RBM15B: variants seen among roughly 807,000 people sequenced by gnomAD.
RBM15B encodes RNA binding motif protein 15B.
Under a neutral mutation model 53.3 loss-of-function variants are expected in RBM15B, and 11 were observed. The observed-to-expected ratio is 0.21, with a 90% CI of 0.13 to 0.34. RBM15B has a LOEUF of 0.34. Ranked by LOEUF, RBM15B falls within the 10% of genes least tolerant of loss-of-function variation. The pLI, the probability that RBM15B is intolerant of heterozygous loss-of-function variation, is 1.00. For missense variants in RBM15B, 1,136 were observed against 1,250.3 expected, an observed-to-expected ratio of 0.91 and a Z score of 1.38; for synonymous variants, 631 against 540.7, an observed-to-expected ratio of 1.17 and a Z score of -2.32.
rs1156630760 is a variant in RBM15B, at chr3:51,394,592, G to A, written c.*520G>A. 6.0e-6 allele frequency: 1 copy of A among 167,196 alleles called. No homozygotes were observed. Among genetic ancestry groups the A allele is most frequent in the Non-Finnish European group, 1.5e-5 (1 of 68,182 alleles). 10.4% of individuals were successfully genotyped at this position (167,196 alleles called of 1,614,324 possible). ...CTTGGCTGACAGCAGGCAAGCTTCAGTTTGGGCTGTGGACGCTGCCACACA... is the reference window on the plus strand; with the variant it reads ...CTTGGCTGACAGCAGGCAAGCTTCAATTTGGGCTGTGGACGCTGCCACACA... On this transcript the variant is annotated 3_prime_UTR_variant, in exon 1 of 1. Coordinates refer to ENST00000563281, the MANE Select transcript of RBM15B (RefSeq NM_013286.5).
Position 51,392,459 on chromosome 3 carries a change from C to T in RBM15B, c.1060C>T (p.Arg354Ter). 6.2e-7 allele frequency: 1 copy of T among 1,614,002 alleles called. No individual in the cohort carries two copies. Among genetic ancestry groups the T allele is most frequent in the Non-Finnish European group, 8.5e-7 (1 of 1,180,040 alleles). ...CCACAGCGTATCTGAGGTGGAGCTG[C>T]GAAGGGCCTTCGAGAAATATGGCAT... ...LDHSVSEVELRRAFEKYGIIE... is the reference protein window; with the variant it reads ...LDHSVSEVEL The change falls in exon 1 of 1, where the codon CGA becomes TGA. Residue 354 changes from arginine to a stop codon, truncating the protein, a stop_gained. Transcript: ENST00000563281. LOFTEE classifies it high-confidence loss of function. The surrounding 1 kb of genome is among the most constrained non-coding windows in gnomAD (Gnocchi z 7.5).
rs199560204 is a variant in RBM15B, at chr3:51,392,845, C to A, written c.1446C>A (p.Asp482Glu). The change falls in exon 1 of 1, where the codon GAC becomes GAA. Residue 482 changes from aspartate to glutamate, a missense_variant. Transcript: ENST00000563281. The surrounding 1 kb of genome is among the most constrained non-coding windows in gnomAD (Gnocchi z 7.5). The part of the protein sequence containing the change: ...KMRGFPLGGP[D>E]RRLRVDFAKA... ...GGGGTTTTCCCTTGGGTGGACCAGA[C>A]CGCAGGCTCCGCGTGGATTTTGCCA... The A allele has an allele frequency of 2.5e-4, 410 of 1,613,956 alleles. No individual in the cohort carries two copies. The highest frequency in any genetic ancestry group is 3.3e-4 in the Non-Finnish European group (389 of 1,180,042).
At position 51,394,134 on chromosome 3, in the gene RBM15B, T is replaced by G. The variant is rs1559456532; in HGVS notation, c.*62T>G. 1.5e-6 allele frequency: 2 copies of G among 1,373,010 alleles called. No homozygotes were observed. Among genetic ancestry groups the G allele is most frequent in the African/African-American group, 3.0e-5 (2 of 67,526 alleles). 85.1% of individuals were successfully genotyped at this position (1,373,010 alleles called of 1,614,324 possible). A position where few individuals can be genotyped will look rare whatever the true frequency, so the allele number is the denominator to read the frequency against. On this transcript the variant is annotated 3_prime_UTR_variant, in exon 1 of 1. Coordinates refer to ENST00000563281, the MANE Select transcript of RBM15B (RefSeq NM_013286.5). ...CAAAAGCAGTTATTTTAAAATCTGA[T>G]CCCCTCTCTACCCTACCACTTTGGT... is the stretch of plus-strand genomic sequence containing the variant.
At position 51,393,166 on chromosome 3, in the gene RBM15B, C is replaced by G; in HGVS notation, c.1767C>G (p.Pro589=). The G allele has an allele frequency of 2.5e-6, 4 of 1,613,986 alleles. No individual in the cohort carries two copies. Among genetic ancestry groups the G allele is most frequent in the Non-Finnish European group, 3.4e-6 (4 of 1,179,906 alleles). ...ATGGAGACCGTGGTTTGCCCAAGCC[C>G]TGGGAAGAGAGGCGGAAACGGAGAA... is the stretch of plus-strand genomic sequence containing the variant. ...GADGDRGLPK[P]WEERRKRRSL... is the part of the protein sequence containing the mutation. The change falls in exon 1 of 1, where the codon CCC becomes CCG. Residue 589 remains proline, a synonymous_variant. Coordinates refer to ENST00000563281, the MANE Select transcript of RBM15B (RefSeq NM_013286.5). The surrounding 1 kb of genome is among the most constrained non-coding windows in gnomAD (Gnocchi z 5.6).
In RBM15B at chr3:51,391,973, G is replaced by A. The variant is rs1553621622; in HGVS notation, c.574G>A (p.Asp192Asn). Residue 192 changes from aspartate to asparagine, a missense_variant, in exon 1 of 1, where the codon GAC (aspartate) becomes AAC (asparagine). Asp to Asn is a conservative substitution (Grantham distance 23). Around this residue, in one of 7 missense-constraint regions of RBM15B, gnomAD observed 12 missense variants for 35.8 expected, o/e 0.34. Transcript: ENST00000563281. This position sits in a 1 kb window ranked among gnomAD's most constrained non-coding sequence, Gnocchi z 4.5. ...CTACGTGAATTTCCGGCACCCACAG[G>A]ACGCACGCGAGGCCCGCCAGCACGC... ...VAYVNFRHPQ[D>N]AREARQHALA... 3 of 1,599,426 alleles carry A rather than the reference G, an allele frequency of 1.9e-6. No homozygotes were observed. Among genetic ancestry groups the A allele is most frequent in the Non-Finnish European group, 2.5e-6 (3 of 1,178,160 alleles).
Position 51,393,905 on chromosome 3 carries a change from G to T in RBM15B, c.2506G>T (p.Val836Leu). ...SYLKQKQAAG[V>L]ISLPVGGSKG... ...CTTGAAACAGAAGCAGGCCGCAGGGGTGATCAGCTTGCCAGTGGGGGGGTC... is the reference window on the plus strand; with the variant it reads ...CTTGAAACAGAAGCAGGCCGCAGGGTTGATCAGCTTGCCAGTGGGGGGGTC... The change falls in exon 1 of 1, where the codon GTG becomes TTG. Residue 836 changes from valine to leucine, a missense_variant. Physicochemically the swap from Val to Leu is conservative, Grantham distance 32. Transcript: ENST00000563281. This position sits in a 1 kb window ranked among gnomAD's most constrained non-coding sequence, Gnocchi z 5.6. The T allele has an allele frequency of 6.4e-7, 1 of 1,551,806 alleles. No individual in the cohort carries two copies. The highest frequency in any genetic ancestry group is 8.7e-7 in the Non-Finnish European group (1 of 1,149,908).
chr3:51,392,009 C>A lies in RBM15B; in HGVS notation c.610C>A (p.Gln204Lys). ...REARQHALAR[Q>K]LLLYDRPLKV... ...GGCCCGCCAGCACGCCCTGGCCCGGCAGCTGCTGCTCTACGACCGCCCGCT... is the reference window on the plus strand; with the variant it reads ...GGCCCGCCAGCACGCCCTGGCCCGGAAGCTGCTGCTCTACGACCGCCCGCT... Residue 204 changes from glutamine (Q) to lysine (K), a missense_variant, in exon 1 of 1, where the codon CAG (glutamine) becomes AAG (lysine). By Grantham distance (53) the Gln-to-Lys change is moderately conservative (BLOSUM62 1). This residue lies in a region of RBM15B where 204 missense variants were observed against 196.8 expected (regional missense o/e 1.04). Transcript: ENST00000563281. The surrounding 1 kb of genome is among the most constrained non-coding windows in gnomAD (Gnocchi z 7.5). 1 of 1,598,116 alleles carries A rather than the reference C, an allele frequency of 6.3e-7. No individual in the cohort carries two copies.
Position 51,392,514 on chromosome 3 carries a change from C to A in RBM15B, c.1115C>A (p.Ala372Asp), listed in dbSNP as rs1329594465. ...GAGGAGGTGGTCATCAAGAGGCCTG[C>A]CCGTGGCCAGGGCGGTGCCTATGCC... ...IIEEVVIKRP[A>D]RGQGGAYAFL... The change falls in exon 1 of 1, where the codon GCC becomes GAC. Residue 372 changes from alanine to aspartate, a missense_variant. Coordinates refer to ENST00000563281, the MANE Select transcript of RBM15B (RefSeq NM_013286.5). This position sits in a 1 kb window ranked among gnomAD's most constrained non-coding sequence, Gnocchi z 7.5. The A allele has an allele frequency of 2.2e-5, 35 of 1,613,852 alleles. No individual in the cohort carries two copies. The highest frequency in any genetic ancestry group is 2.8e-5 in the Non-Finnish European group (33 of 1,180,004).
chr3:51,393,406 C>T lies in RBM15B; in HGVS notation c.2007C>T (p.His669=). 1 of 1,613,728 alleles carries T rather than the reference C, an allele frequency of 6.2e-7. No individual in the cohort carries two copies. Among genetic ancestry groups the T allele is most frequent in the South Asian group, 1.1e-5 (1 of 91,078 alleles). ...GAEERGHHHH[H]HEAADSSHGK... ...AGGAACGGGGCCACCACCACCACCA[C>T]CACGAGGCTGCAGACTCTTCCCACG... The change falls in exon 1 of 1, where the codon CAC becomes CAT. Residue 669 remains histidine (H), a synonymous_variant. Transcript: ENST00000563281. The surrounding 1 kb of genome is among the most constrained non-coding windows in gnomAD (Gnocchi z 5.6).
rs782552882 is a variant in RBM15B, at chr3:51,393,865, G to A, written c.2466G>A (p.Arg822=). ...VEPGLQRRLL[R]NLVSYLKQKQ... ...CCGGTCTGCAGAGGCGGCTTCTCAGGAACCTGGTCTCCTACTTGAAACAGA... is the reference window on the plus strand; with the variant it reads ...CCGGTCTGCAGAGGCGGCTTCTCAGAAACCTGGTCTCCTACTTGAAACAGA... Residue 822 remains arginine, a synonymous_variant, in exon 1 of 1, where the codon AGG becomes AGA. Coordinates refer to ENST00000563281, the MANE Select transcript of RBM15B (RefSeq NM_013286.5). The surrounding 1 kb of genome is among the most constrained non-coding windows in gnomAD (Gnocchi z 5.6). 7 of 1,584,136 alleles carry A rather than the reference G, an allele frequency of 4.4e-6. No individual in the cohort carries two copies. Among genetic ancestry groups the A allele is most frequent in the Non-Finnish European group, 5.1e-6 (6 of 1,167,190 alleles).
At position 51,391,381 on chromosome 3, in the gene RBM15B, C is replaced by G; in HGVS notation, c.-19C>G. 8.3e-7 allele frequency: 1 copy of G among 1,211,712 alleles called. No homozygotes were observed. Among genetic ancestry groups the G allele is most frequent in the Non-Finnish European group, 1.0e-6 (1 of 976,596 alleles). The allele number at this position is 1,211,712 out of a possible 1,614,324, so 75.1% of individuals were successfully genotyped here. On this transcript the variant is annotated 5_prime_UTR_variant, in exon 1 of 1. Coordinates refer to ENST00000563281, the MANE Select transcript of RBM15B (RefSeq NM_013286.5). The surrounding 1 kb of genome is among the most constrained non-coding windows in gnomAD (Gnocchi z 4.5). ...CGCTGTGAGAAACCTACGGGCCGCC[C>G]GCCCGCCGCGCCAGCGCCATGAAGC...
In RBM15B at chr3:51,391,382, G is replaced by A; in HGVS notation, c.-18G>A. ...GCTGTGAGAAACCTACGGGCCGCCC[G>A]CCCGCCGCGCCAGCGCCATGAAGCG... is the stretch of plus-strand genomic sequence containing the variant. On this transcript the variant is annotated 5_prime_UTR_variant, in exon 1 of 1. Coordinates refer to ENST00000563281, the MANE Select transcript of RBM15B (RefSeq NM_013286.5). This position sits in a 1 kb window ranked among gnomAD's most constrained non-coding sequence, Gnocchi z 4.5. 4.2e-6 allele frequency: 5 copies of A among 1,204,640 alleles called. No individual in the cohort carries two copies. The highest frequency in any genetic ancestry group is 5.1e-6 in the Non-Finnish European group (5 of 972,422). 74.6% of individuals were successfully genotyped at this position (1,204,640 alleles called of 1,614,324 possible). A position where few individuals can be genotyped will look rare whatever the true frequency, so the allele number is the denominator to read the frequency against.
chr3:51,392,938 C>T lies in RBM15B; in HGVS notation c.1539C>T (p.Leu513=), dbSNP rs1019984378. ...PSPLPVHYEL[L]TDGYTRHRNL... ...CACTCCCTGTGCATTATGAGCTGCT[C>T]ACAGATGGATACACCCGGCACCGCA... Residue 513 remains leucine (L), a synonymous_variant, in exon 1 of 1, where the codon CTC becomes CTT. Transcript: ENST00000563281. The surrounding 1 kb of genome is among the most constrained non-coding windows in gnomAD (Gnocchi z 7.5). 1 of 1,613,822 alleles carries T rather than the reference C, an allele frequency of 6.2e-7. No homozygotes were observed. Among genetic ancestry groups the T allele is most frequent in the Non-Finnish European group, 8.5e-7 (1 of 1,180,044 alleles).
Position 51,392,517 on chromosome 3 carries a change from G to A in RBM15B, c.1118G>A (p.Arg373His). The A allele has an allele frequency of 6.2e-7, 1 of 1,613,886 alleles. No individual in the cohort carries two copies. Among genetic ancestry groups the A allele is most frequent in the Non-Finnish European group, 8.5e-7 (1 of 1,180,026 alleles). The change falls in exon 1 of 1, where the codon CGT (arginine) becomes CAT (histidine). Residue 373 changes from arginine (R) to histidine (H), a missense_variant. Coordinates refer to ENST00000563281, the MANE Select transcript of RBM15B (RefSeq NM_013286.5). The surrounding 1 kb of genome is among the most constrained non-coding windows in gnomAD (Gnocchi z 7.5). The part of the protein sequence containing the change: ...IEEVVIKRPA[R>H]GQGGAYAFLK... ...GAGGTGGTCATCAAGAGGCCTGCCCGTGGCCAGGGCGGTGCCTATGCCTTC... is the reference window on the plus strand; with the variant it reads ...GAGGTGGTCATCAAGAGGCCTGCCCATGGCCAGGGCGGTGCCTATGCCTTC...
Position 51,391,367 on chromosome 3 carries a change from A to G in RBM15B, c.-33A>G. On this transcript the variant is annotated 5_prime_UTR_variant, in exon 1 of 1. Transcript: ENST00000563281. The surrounding 1 kb of genome is among the most constrained non-coding windows in gnomAD (Gnocchi z 4.5). ...GCCTCCGCCGCCGCCGCTGTGAGAAACCTACGGGCCGCCCGCCCGCCGCGC... is the reference window on the plus strand; with the variant it reads ...GCCTCCGCCGCCGCCGCTGTGAGAAGCCTACGGGCCGCCCGCCCGCCGCGC... 8.4e-7 allele frequency: 1 copy of G among 1,195,356 alleles called. No homozygotes were observed. Among genetic ancestry groups the G allele is most frequent in the Non-Finnish European group, 1.0e-6 (1 of 967,088 alleles). The allele number at this position is 1,195,356 out of a possible 1,614,324, so 74.0% of individuals were successfully genotyped here.
rs1242794050 is a variant in RBM15B at position 51,397,879 on chromosome 3, T to A, written c.*3807T>A. 7.2e-5 allele frequency: 12 copies of A among 166,886 alleles called. No individual in the cohort carries two copies. Among genetic ancestry groups the A allele is most frequent in the African/African-American group, 2.7e-4 (11 of 41,454 alleles). 10.3% of individuals were successfully genotyped at this position (166,886 alleles called of 1,614,324 possible). On this transcript the variant is annotated 3_prime_UTR_variant, in exon 1 of 1. Transcript: ENST00000563281. Reference sequence around the variant, plus strand: ...CTTGTAGTTTATTTTGTATTTTTTTTAAATAAATACACTTTACATTAAAGA... The same window carrying A: ...CTTGTAGTTTATTTTGTATTTTTTTAAAATAAATACACTTTACATTAAAGA...
Position 51,397,117 on chromosome 3 carries a change from T to C in RBM15B, c.*3045T>C, listed in dbSNP as rs573865104. ...TTACTTCACAACCAAATTTGTCCCC[T>C]CTTCTCTCTGTTAAGGGAGAGAAGT... On this transcript the variant is annotated 3_prime_UTR_variant, in exon 1 of 1. Transcript: ENST00000563281. 16 of 167,234 alleles carry C rather than the reference T, an allele frequency of 9.6e-5. No homozygotes were observed. Among genetic ancestry groups the C allele is most frequent in the African/African-American group, 3.6e-4 (15 of 41,578 alleles). The allele number at this position is 167,234 out of a possible 1,614,324, so 10.4% of individuals were successfully genotyped here. A position where few individuals can be genotyped will look rare whatever the true frequency, so the allele number is the denominator to read the frequency against.
rs1553622044 is a variant in RBM15B, at chr3:51,393,691, G to A, written c.2292G>A (p.Lys764=). The A allele has an allele frequency of 6.2e-7, 1 of 1,613,030 alleles. No homozygotes were observed. Among genetic ancestry groups the A allele is most frequent in the South Asian group, 1.1e-5 (1 of 90,912 alleles). Reference sequence around the variant, plus strand: ...CTGGGAGCAAGCTGACCCAGCTGAAGATCGCCCAGCGCCTTCGACTGGACC... The same window carrying A: ...CTGGGAGCAAGCTGACCCAGCTGAAAATCGCCCAGCGCCTTCGACTGGACC... ...HTSGSKLTQL[K]IAQRLRLDQP... is the part of the protein sequence containing the mutation. Residue 764 remains lysine, a synonymous_variant, in exon 1 of 1, where the codon AAG becomes AAA. Transcript: ENST00000563281. This position sits in a 1 kb window ranked among gnomAD's most constrained non-coding sequence, Gnocchi z 5.6.
rs2089085632 is a variant in RBM15B at position 51,393,927 on chromosome 3, G to A, written c.2528G>A (p.Gly843Glu). The change falls in exon 1 of 1, where the codon GGG becomes GAG. Residue 843 changes from glycine (G) to glutamate (E), a missense_variant. Gly to Glu is a moderately conservative substitution (Grantham distance 98, BLOSUM62 -2). Transcript: ENST00000563281. The surrounding 1 kb of genome is among the most constrained non-coding windows in gnomAD (Gnocchi z 5.6). ...GGGGTGATCAGCTTGCCAGTGGGGG[G>A]GTCCAAGGGCAGAGACGGCACAGGC... ...AAGVISLPVG[G>E]SKGRDGTGML... 1.3e-6 allele frequency: 2 copies of A among 1,539,676 alleles called. No individual in the cohort carries two copies. Among genetic ancestry groups the A allele is most frequent in the South Asian group, 2.5e-5 (2 of 78,754 alleles).
Sources: allele counts gnomAD v4.1 joint callset, GRCh38; gene constraint gnomAD v4.1.1; regional missense constraint gnomAD v4.1.1; non-coding constraint Gnocchi (gnomAD v3.1); transcripts MANE v1.5; gene names NCBI Gene and HGNC (gene_info 2026-07-23, HGNC 2026-07-21).